Variants in AFAP1 observed in about 807,000 individuals in gnomAD.
AFAP1 encodes the protein actin filament associated protein 1, also known as actin filament-associated protein 1.
In AFAP1, 75 loss-of-function variants were observed where a neutral mutation model predicts 93.9. The ratio of observed to expected loss-of-function variants is 0.80; its 90% CI spans 0.66 to 0.97. AFAP1 has a LOEUF of 0.97. Among genes scored for constraint, AFAP1 ranks in the 50% least tolerant of loss-of-function variants. AFAP1 has a pLI of 0.00. For synonymous variants in AFAP1, 517 were observed against 430.7 expected (o/e 1.20, Z -2.48); for missense variants, 1,201 against 1,050.8 (o/e 1.14, Z -1.98).
intron 3 of AFAP1, among the ~76,000 whole-genome samples, chr4:7,863,466 C>T (rs1715984205): frequency 6.6e-6 from 1 of 152,192 alleles, no homozygotes; most frequent in Non-Finnish European, 1.5e-5. Flanking sequence ...AATAAAAGCA[C>T]AGCTCTTTCC....
intron 3 of AFAP1, among the ~76,000 whole-genome samples, chr4:7,861,287 T>C (rs1176432588): frequency 6.6e-6 from 1 of 152,214 alleles, no homozygotes; most frequent in Non-Finnish European, 1.5e-5. Flanking sequence ...CCCTACGGCA[T>C]TCATGCCATC....
intron 3 of AFAP1, among the ~76,000 whole-genome samples, chr4:7,867,094 A>AGG (rs1716495516): frequency 1.5e-5 from 1 of 64,920 alleles, no homozygotes; most frequent in African/African-American, 5.8e-5. Flanking sequence ...AGGAGAGGGG[A>AGG]GGAGAGGGGA....
chr4:7,927,499 G>A (rs867226464), intron 1 of AFAP1, among the ~76,000 whole-genome samples: 60 of 152,202 alleles, frequency 3.9e-4, no homozygotes, highest in African/African-American at 1.1e-3. Context: ...CAACGGACAC[G>A]TATTGAACAC....
At chr4:7,789,881 A>T (rs539878975) in intron 11 of AFAP1, among the ~76,000 whole-genome samples, 1 of 152,326 alleles carries the variant, frequency 6.6e-6, no homozygotes, top group African/African-American at 2.4e-5. Context: ...ACTCTGGAGT[A>T]TTTTCCTGTG....
chr4:7,831,969 T>C (rs1711675523), intron 6 of AFAP1, among the ~76,000 whole-genome samples: 1 of 152,048 alleles, frequency 6.6e-6, no homozygotes, highest in Non-Finnish European at 1.5e-5. Flanking sequence ...GAGAATGAAA[T>C]GTGAAGCCAG....
intron 8 of AFAP1, among the ~76,000 whole-genome samples, chr4:7,813,122 A>G (rs1301211881): frequency 2.4e-4 from 36 of 152,162 alleles, no homozygotes; most frequent in Admixed American, 2.4e-3. Context: ...TTCATCTGAG[A>G]TTCTAACACT....
In AFAP1 at chr4:7,928,926, G is replaced by A. The variant is rs116135329; in HGVS notation, c.-3+10730C>T. Among the ~76,000 whole-genome samples the A allele has an allele frequency of 7.3e-3, 1,113 of 152,328 alleles. 12 individuals are homozygous for A. The highest frequency in any genetic ancestry group is 0.025 in the African/African-American group (1,048 of 41,572). On this transcript the variant is annotated intron_variant, in intron 1 of 17. Transcript: ENST00000420658. ...GCAGAGCCAGCATGCCCAGCCAGGT[G>A]TGGCCAAGGCCTGTGTTTCAGCCAC...
chr4:7,838,817 T>C, intron 5 of AFAP1, 114 bp from the exon 6 acceptor site: 4 of 1,116,262 alleles, frequency 3.6e-6, no homozygotes, highest in Non-Finnish European at 5.2e-6. Flanking sequence ...AAAGTCTGAA[T>C]CTGCAGATGA....
intron 1 of AFAP1, among the ~76,000 whole-genome samples, chr4:7,909,547 A>G (rs1482188059): frequency 1.3e-5 from 2 of 152,192 alleles, no homozygotes; most frequent in African/African-American, 4.8e-5. Context: ...TAGAGTGAAT[A>G]ACCGGCAAAT....
intron 14 of AFAP1, 46 bp downstream of exon 14, chr4:7,778,716 A>C: frequency 1.3e-6 from 2 of 1,551,156 alleles, no homozygotes; most frequent in Non-Finnish European, 1.8e-6. Flanking sequence ...CAGCTCCACC[A>C]AGTGCACTTG....
intron 1 of AFAP1, among the ~76,000 whole-genome samples, chr4:7,927,551 G>A (rs1409028551): frequency 1.3e-5 from 2 of 152,166 alleles, no homozygotes; most frequent in Non-Finnish European, 2.9e-5. Context: ...CAGGCCAGGC[G>A]CGGTGGCTCA....
chr4:7,765,953 C>T (rs529768323), intron 17 of AFAP1, among the ~76,000 whole-genome samples: 50 of 152,306 alleles, frequency 3.3e-4, no homozygotes, highest in African/African-American at 1.1e-3. Context: ...AGTGACCCTG[C>T]GCCAGGATGC....
At chr4:7,881,715 G>A (rs1296787076) in intron 1 of AFAP1, among the ~76,000 whole-genome samples, 2 of 151,840 alleles carry the variant, frequency 1.3e-5, no homozygotes, top group African/African-American at 4.8e-5. Context: ...TCCGGGTGGT[G>A]GATTGCAGTG....
At chr4:7,787,955 C>T (rs919640592) in intron 11 of AFAP1, among the ~76,000 whole-genome samples, 9 of 144,718 alleles carry the variant, frequency 6.2e-5, no homozygotes, top group Non-Finnish European at 1.4e-4. Flanking sequence ...CGCGTGGGTG[C>T]TGCCCCCCAG....
intron 1 of AFAP1, among the ~76,000 whole-genome samples, chr4:7,927,888 G>A (rs575018640): frequency 6.6e-6 from 1 of 152,254 alleles, no homozygotes; most frequent in East Asian, 1.9e-4. Flanking sequence ...GCAGAACAAT[G>A]TAATTTTGGC....
chr4:7,918,650 C>G (rs1180500185), intron 1 of AFAP1, among the ~76,000 whole-genome samples: 9 of 139,086 alleles, frequency 6.5e-5, no homozygotes, highest in African/African-American at 2.4e-4. Context: ...GGATGAGACA[C>G]TCGGCCCAGG....
In AFAP1 at chr4:7,778,790, G is replaced by T. The variant is rs373480212; in HGVS notation, c.1869C>A (p.Pro623=). 3 of 1,614,036 alleles carry T rather than the reference G, an allele frequency of 1.9e-6. No individual in the cohort carries two copies. Among genetic ancestry groups the T allele is most frequent in the African/African-American group, 1.3e-5 (1 of 74,924 alleles). The change falls in exon 14 of 18, where the codon CCC becomes CCA. Residue 623 remains proline, a synonymous_variant. Transcript: ENST00000420658. ...AACCCGTCCTTTTCACAACAGCCGCGGGATCCGCTTTCTTTGGCTGACTGC... is the reference window on the plus strand; with the variant it reads ...AACCCGTCCTTTTCACAACAGCCGCTGGATCCGCTTTCTTTGGCTGACTGC... ...TLSSQPKKAD[P]AAVVKRTGSN... is the part of the protein sequence containing the mutation.
intron 4 of AFAP1, among the ~76,000 whole-genome samples, chr4:7,844,456 C>A (rs1259250236): frequency 6.6e-6 from 1 of 152,218 alleles, no homozygotes; most frequent in African/African-American, 2.4e-5. Context: ...GCATTTGTCA[C>A]TGCGGCATGA....
chr4:7,893,745 C>T (rs546201568), intron 1 of AFAP1, among the ~76,000 whole-genome samples: 22 of 152,188 alleles, frequency 1.4e-4, no homozygotes, highest in East Asian at 5.8e-4. Flanking sequence ...TCTTCTGGGA[C>T]GGGCCTGATA....
Sources: gnomAD v4.1 joint callset for allele counts (sites outside exome capture counted in the v4.1 genomes callset) on GRCh38, gnomAD v4.1.1 for gene constraint, MANE v1.5 for transcripts, NCBI Gene and HGNC (gene_info 2026-07-23, HGNC 2026-07-21) for gene names.